Variants in MYO7A observed in about 807,000 individuals in gnomAD.
MYO7A encodes myosin VIIA.
Under a neutral mutation model 263.8 loss-of-function variants are expected in MYO7A, and 210 were observed. The observed-to-expected ratio is 0.80, with a 90% CI of 0.71 to 0.89. The LOEUF is 0.89. MYO7A is among the 40% of genes least tolerant of loss of function. The pLI is 0.00. For synonymous variants in MYO7A, 1,239 were observed against 1,197.3 expected, an observed-to-expected ratio of 1.03 and a Z score of -0.72; for missense variants, 2,820 against 2,968.3, an observed-to-expected ratio of 0.95 and a Z score of 1.16.
chr11:77,209,039 T>C, intron 44 of MYO7A: 1 of 538,280 alleles, frequency 1.9e-6, no homozygotes, highest in South Asian at 2.3e-5. Flanking sequence ...TTCCGATCCC[T>C]ACCTGTTCAG....
At chr11:77,133,554 A>G (rs140433564) in intron 2 of MYO7A, among the ~76,000 whole-genome samples, 1 of 152,334 alleles carries the variant, frequency 6.6e-6, no homozygotes, top group East Asian at 1.9e-4. Context: ...TACTATTTGC[A>G]TGGAATACTA....
At chr11:77,201,115 G>C (rs541311415) in intron 35 of MYO7A, among the ~76,000 whole-genome samples, 41 of 152,354 alleles carry the variant, frequency 2.7e-4, no homozygotes, top group Non-Finnish European at 5.4e-4. Context: ...GCGGGAGAAA[G>C]CTGGCCTGTC....
At chr11:77,152,725 C>T (rs1952082101) in intron 4 of MYO7A, among the ~76,000 whole-genome samples, 1 of 151,928 alleles carries the variant, frequency 6.6e-6, no homozygotes, top group African/African-American at 2.4e-5. Context: ...GGGACAGAGG[C>T]CTTGAACGGG....
At chr11:77,173,023 A>G (rs1368418808) in intron 16 of MYO7A, 138 bp downstream of exon 16, 3 of 1,275,506 alleles carry the variant, frequency 2.4e-6, no homozygotes, top group African/African-American at 3.0e-5. Flanking sequence ...GGGAGCTTAC[A>G]AAACAAGGCC....
intron 4 of MYO7A, among the ~76,000 whole-genome samples, chr11:77,150,665 C>T (rs1951897391): frequency 6.6e-6 from 1 of 152,178 alleles, no homozygotes; most frequent in Non-Finnish European, 1.5e-5. Context: ...GGTGAATAAG[C>T]TGCCTTCTTG....
Position 77,189,408 on chromosome 11 carries a change from C to G in MYO7A, c.3568C>G (p.Arg1190Gly), listed in dbSNP as rs782011801. Residue 1190 changes from arginine (R) to glycine (G), a missense_variant, in exon 28 of 49, where the codon CGG becomes GGG. Transcript: ENST00000409709. ...CAACCCCTCCAAGAGCAGCTATGCC[C>G]GGGGCTGGATTCTCGTGTCTCTCTG... The part of the protein sequence containing the change: ...THNPSKSSYA[R>G]GWILVSLCVG... The G allele has an allele frequency of 4.3e-6, 7 of 1,613,900 alleles. No individual in the cohort carries two copies. Among genetic ancestry groups the G allele is most frequent in the Non-Finnish European group, 5.1e-6 (6 of 1,179,888 alleles).
intron 11 of MYO7A, 116 bp downstream of exon 11, chr11:77,160,398 C>T: frequency 1.4e-6 from 2 of 1,403,274 alleles, no homozygotes; most frequent in South Asian, 2.8e-5. Context: ...GCCACCCCTG[C>T]CTGCCCCGGG....
At chr11:77,206,970 TCTC>T (rs1383377200) in intron 41 of MYO7A, 1 of 232,726 alleles carries the variant, frequency 4.3e-6, no homozygotes, top group African/African-American at 2.2e-5. Context: ...CTACCTCAAG[TCTC>T]CTCCTTCTAA....
At position 77,174,761 on chromosome 11, in the gene MYO7A, C is replaced by T. The variant is rs533086563; in HGVS notation, c.1941C>T (p.Phe647=). 3.8e-5 allele frequency: 61 copies of T among 1,587,622 alleles called. No homozygotes were observed. In the South Asian group the frequency reaches 6.3e-4, roughly 16 times the overall value. Residue 647 remains phenylalanine, a synonymous_variant, in exon 17 of 49, where the codon TTC becomes TTT. Transcript: ENST00000409709. Reference sequence around the variant, plus strand: ...CTTGGCTGTGTGCCTGGCAGCTGTTCGACCGGCACCTGTGCGTGCGCCAGC... The same window carrying T: ...CTTGGCTGTGTGCCTGGCAGCTGTTTGACCGGCACCTGTGCGTGCGCCAGC... ...KPNEFKKPML[F]DRHLCVRQLR...
At chr11:77,172,325 C>T (rs782604623) in intron 15 of MYO7A, among the ~76,000 whole-genome samples, 15 of 152,214 alleles carry the variant, frequency 9.9e-5, no homozygotes, top group Non-Finnish European at 8.8e-5. Context: ...AATCTAGGTT[C>T]GTCTAACCCC....
intron 1 of MYO7A, among the ~76,000 whole-genome samples, chr11:77,128,847 A>G (rs1160545379): frequency 2.0e-5 from 3 of 152,058 alleles, no homozygotes; most frequent in African/African-American, 4.8e-5. Flanking sequence ...GACACTCTTT[A>G]TCTCCGTTTT....
chr11:77,145,091 C>T (rs1436483058), intron 3 of MYO7A, among the ~76,000 whole-genome samples: 5 of 152,172 alleles, frequency 3.3e-5, no homozygotes, highest in African/African-American at 9.7e-5. Flanking sequence ...ACAGTGGGAG[C>T]GGTGCAGCTA....
At chr11:77,208,665 C>T (rs557929345) in intron 43 of MYO7A, 32 bp from the exon 44 acceptor site, 39 of 1,534,182 alleles carry the variant, frequency 2.5e-5, no homozygotes, top group East Asian at 4.8e-5. Context: ...TGTGCAGGGA[C>T]CCTCTGGGTG....
rs954872886 is a variant in MYO7A at position 77,190,237 on chromosome 11, T to C, written c.3750+98T>C. 1.4e-5 allele frequency: 16 copies of C among 1,144,300 alleles called. No individual in the cohort carries two copies. In the African/African-American group the frequency reaches 2.1e-4, roughly 15 times the overall value. The allele number at this position is 1,144,300 out of a possible 1,614,324, so 70.9% of individuals were successfully genotyped here. A position where few individuals can be genotyped will look rare whatever the true frequency, so the allele number is the denominator to read the frequency against. ...AGTGCACTCGAGTGCCCCAGAAACA[T>C]TCCCTGCTTTGAGATTCTGTGGTTC... On this transcript the variant is annotated intron_variant, in intron 29 of 48. Transcript: ENST00000409709.
chr11:77,213,563 CCCT>C (rs1244567292), intron 47 of MYO7A, among the ~76,000 whole-genome samples: 1 of 152,082 alleles, frequency 6.6e-6, no homozygotes, highest in Non-Finnish European at 1.5e-5. Context: ...CTTCTTGGCT[CCCT>C]CCTCAAACTC....
rs781860881 is a variant in MYO7A, at chr11:77,158,300, C to T, written c.873C>T (p.Gly291=). 6.2e-6 allele frequency: 10 copies of T among 1,609,100 alleles called. No individual in the cohort carries two copies. The highest frequency in any genetic ancestry group is 7.6e-6 in the Non-Finnish European group (9 of 1,176,862). The part of the protein sequence containing the change: ...LAMGNCITCE[G]RVDSQEYANI... ...AGGGTAACTGCATAACCTGTGAGGG[C>T]CGGGTGGACAGCCAGGAGTACGCCA... Residue 291 remains glycine, a synonymous_variant, in exon 9 of 49, where the codon GGC becomes GGT. Transcript: ENST00000409709.
At position 77,208,756 on chromosome 11, in the gene MYO7A, G is replaced by T. The variant is rs1323017954; in HGVS notation, c.6004G>T (p.Val2002Leu). ...FFMKKLWTTT[V>L]PGKDPMADSI... ...CATGAAGAAGCTGTGGACCACCACG[G>T]TGCCAGGGAAGGATCCCATGGCCGA... The change falls in exon 44 of 49, where the codon GTG (valine) becomes TTG (leucine). Residue 2002 changes from valine (V) to leucine (L), a missense_variant. By Grantham distance (32) the Val-to-Leu change is conservative. Transcript: ENST00000409709. 20 of 1,582,930 alleles carry T rather than the reference G, an allele frequency of 1.3e-5. No homozygotes were observed. The highest frequency in any genetic ancestry group is 1.3e-5 in the African/African-American group (1 of 74,146).
At chr11:77,132,932 C>G (rs540476334) in intron 2 of MYO7A, among the ~76,000 whole-genome samples, 48 of 152,320 alleles carry the variant, frequency 3.2e-4, no homozygotes, top group African/African-American at 1.2e-3. Context: ...CGGGTCGGCT[C>G]CCGGGGCTCG....
chr11:77,174,270 G>C lies in MYO7A; in HGVS notation c.1936-486G>C, dbSNP rs570181800. Among the ~76,000 whole-genome samples, 154 of 152,252 alleles carry C rather than the reference G, an allele frequency of 1.0e-3. 1 individual carries two copies. Among genetic ancestry groups the C allele is most frequent in the African/African-American group, 3.6e-3 (149 of 41,558 alleles). ...CTAGAAAGTTGTCTGAATAACCGCAGATCTACAATACCTGCAACGTGAAAG... is the reference window on the plus strand; with the variant it reads ...CTAGAAAGTTGTCTGAATAACCGCACATCTACAATACCTGCAACGTGAAAG... On this transcript the variant is annotated intron_variant, in intron 16 of 48. Coordinates refer to ENST00000409709, the MANE Select transcript of MYO7A (RefSeq NM_000260.4).
Sources: allele counts gnomAD v4.1 joint callset (sites outside exome capture counted in the v4.1 genomes callset), GRCh38; gene constraint gnomAD v4.1.1; transcripts MANE v1.5; gene names NCBI Gene and HGNC (gene_info 2026-07-23, HGNC 2026-07-21).